The following LDB2 variants were observed in gnomAD, a reference collection of about 807,000 sequenced individuals.
The protein encoded by LDB2 is LIM domain binding 2.
LDB2 carries 12 observed loss-of-function variants against 44.3 expected under a neutral mutation model. The ratio of observed to expected loss-of-function variants is 0.27; its 90% CI spans 0.17 to 0.44. The LOEUF is 0.44. Among genes scored for constraint, LDB2 ranks in the 20% least tolerant of loss-of-function variants. The pLI is 1.00. For missense variants in LDB2, 344 were observed against 473.5 expected (o/e 0.73, Z 2.54); for synonymous variants, 164 against 174.8 (o/e 0.94, Z 0.49).
rs73127851 is a variant in LDB2 at position 16,818,411 on chromosome 4, A to G, written c.133-59151T>C. ...CCACATTCTCAATGGGAGAACTGTC[A>G]ATGAATCTGTGATCATCCTACTCTG... On this transcript the variant is annotated intron_variant, in intron 1 of 7. Transcript: ENST00000304523. Among the ~76,000 whole-genome samples, 103 of 152,334 alleles carry G rather than the reference A, an allele frequency of 6.8e-4. 1 individual carries two copies. Among genetic ancestry groups the G allele is most frequent in the African/African-American group, 2.4e-3 (100 of 41,572 alleles).
chr4:16,618,736 C>T (rs1728058509), intron 2 of LDB2, among the ~76,000 whole-genome samples: 1 of 152,054 alleles, frequency 6.6e-6, no homozygotes, highest in African/African-American at 2.4e-5. Flanking sequence ...GTGAGGGTTT[C>T]CAGGTGATAT....
At chr4:16,544,091 T>C (rs1050484299) in intron 5 of LDB2, among the ~76,000 whole-genome samples, 2 of 152,120 alleles carry the variant, frequency 1.3e-5, no homozygotes, top group African/African-American at 4.8e-5. Context: ...ATGTAGAATG[T>C]GTTTGGAAAT....
intron 1 of LDB2, among the ~76,000 whole-genome samples, chr4:16,821,879 T>C (rs1384082182): frequency 1.3e-5 from 2 of 151,786 alleles, no homozygotes; most frequent in African/African-American, 4.8e-5. Context: ...ACGTGAGAGC[T>C]GGAAGGAAGG....
At chr4:16,893,860 CA>C (rs1268411342) in intron 1 of LDB2, among the ~76,000 whole-genome samples, 1 of 151,932 alleles carries the variant, frequency 6.6e-6, no homozygotes, top group African/African-American at 2.4e-5. Context: ...CACTTAAATG[CA>C]GACATTTTTG....
chr4:16,689,607 CT>C, intron 2 of LDB2, among the ~76,000 whole-genome samples: 1 of 152,290 alleles, frequency 6.6e-6, no homozygotes, highest in South Asian at 2.1e-4. Flanking sequence ...TGTCTGACTC[CT>C]GTTAAATTCT....
chr4:16,583,823 G>A (rs780123374), intron 5 of LDB2, among the ~76,000 whole-genome samples: 40 of 152,082 alleles, frequency 2.6e-4, no homozygotes, highest in Admixed American at 3.9e-4. Context: ...TCATTCCCTG[G>A]GCTATCTCTG....
chr4:16,686,912 A>G (rs1749391270), intron 2 of LDB2, among the ~76,000 whole-genome samples: 1 of 151,604 alleles, frequency 6.6e-6, no homozygotes, highest in South Asian at 2.1e-4. Flanking sequence ...TCCAGCTTTC[A>G]CTCTTTCAAA....
rs371283973 is a variant in LDB2, at chr4:16,696,654, T to C, written c.235+62504A>G. 7.2e-5 allele frequency among the ~76,000 whole-genome samples: 11 copies of C among 152,232 alleles called. No individual in the cohort carries two copies. The East Asian group carries it at 2.1e-3, about 29-fold the overall frequency. ...TGTAAACTGGTCACAGCAGAAGATA[T>C]ATTTATTACCGGTTTCTGCACATTA... On this transcript the variant is annotated intron_variant, in intron 2 of 7. Coordinates refer to ENST00000304523, the MANE Select transcript of LDB2 (RefSeq NM_001290.5).
chr4:16,894,661 G>A (rs1437662219), intron 1 of LDB2, among the ~76,000 whole-genome samples: 2 of 152,076 alleles, frequency 1.3e-5, no homozygotes, highest in African/African-American at 2.4e-5. Flanking sequence ...AAGCAGAGGC[G>A]CAAAGCTGCT....
At chr4:16,800,449 T>C (rs570074947) in intron 1 of LDB2, among the ~76,000 whole-genome samples, 2 of 152,348 alleles carry the variant, frequency 1.3e-5, no homozygotes, top group African/African-American at 2.4e-5. Context: ...TACCAGTTCT[T>C]TCATTAGTTA....
intron 1 of LDB2, among the ~76,000 whole-genome samples, chr4:16,854,125 G>T (rs995493331): frequency 1.3e-5 from 2 of 151,882 alleles, no homozygotes; most frequent in Admixed American, 6.6e-5. Context: ...TACTAAATGA[G>T]TAGATTTTAG....
chr4:16,660,737 A>T (rs1220140972), intron 2 of LDB2, among the ~76,000 whole-genome samples: 3 of 152,170 alleles, frequency 2.0e-5, no homozygotes, highest in Non-Finnish European at 4.4e-5. Context: ...TGACATCAAC[A>T]ATCCCTGGAA....
Position 16,533,432 on chromosome 4 carries a change from CAAACT to C in LDB2, c.616-21333_616-21329del, listed in dbSNP as rs1730779675. On this transcript the variant is annotated intron_variant, in intron 5 of 7. Coordinates refer to ENST00000304523, the MANE Select transcript of LDB2 (RefSeq NM_001290.5). This position sits in a 1 kb window ranked among gnomAD's most constrained non-coding sequence, Gnocchi z 4.1. ...AAGTATCTACACATACAAGAAATCG[CAAACT>C]TCAGAGCCCTGGTTGCTGAGTTCCA... Among the ~76,000 whole-genome samples the C allele has an allele frequency of 6.6e-6, 1 of 152,196 alleles. No homozygotes were observed.
chr4:16,818,141 G>A (rs935381699), intron 1 of LDB2, among the ~76,000 whole-genome samples: 1 of 152,076 alleles, frequency 6.6e-6, no homozygotes, highest in African/African-American at 2.4e-5. Flanking sequence ...GGGGATAACT[G>A]GAAGGCCGGG....
chr4:16,762,240 A>T (rs1381245260), intron 1 of LDB2, among the ~76,000 whole-genome samples: 2 of 152,162 alleles, frequency 1.3e-5, no homozygotes, highest in Admixed American at 1.3e-4. Flanking sequence ...ATAAATCAGC[A>T]CTTTTCCCTA....
intron 2 of LDB2, among the ~76,000 whole-genome samples, chr4:16,749,588 A>AT (rs1765091639): frequency 2.7e-5 from 4 of 145,584 alleles, no homozygotes; most frequent in African/African-American, 7.6e-5. Context: ...AAATAAAAAA[A>AT]AATATATATA....
At chr4:16,543,591 A>G (rs1734662883) in intron 5 of LDB2, among the ~76,000 whole-genome samples, 1 of 152,208 alleles carries the variant, frequency 6.6e-6, no homozygotes, top group Admixed American at 6.5e-5. Flanking sequence ...GTGTCTGTTC[A>G]TATCCTTGTA....
chr4:16,892,933 C>CTT, intron 1 of LDB2: 1 of 180,362 alleles, frequency 5.5e-6, no homozygotes. Context: ...GTTGAAAGTT[C>CTT]TTTTTTTTTT....
At chr4:16,567,364 T>C (rs891601280) in intron 5 of LDB2, among the ~76,000 whole-genome samples, 37 of 99,558 alleles carry the variant, frequency 3.7e-4, no homozygotes, top group African/African-American at 1.1e-3. Context: ...ACTGCAGACA[T>C]AGAGTGTGTG....
Sources: gnomAD v4.1 joint callset for allele counts (sites outside exome capture counted in the v4.1 genomes callset) on GRCh38, gnomAD v4.1.1 for gene constraint, Gnocchi (gnomAD v3.1) non-coding constraint, MANE v1.5 for transcripts, NCBI Gene and HGNC (gene_info 2026-07-23, HGNC 2026-07-21) for gene names.